The following COL4A1 variants were observed in gnomAD, a reference collection of about 807,000 sequenced individuals.
COL4A1 encodes the protein collagen alpha-1(IV) chain.
COL4A1 carries 40 observed loss-of-function variants against 216.6 expected under a neutral mutation model. That is an observed-to-expected ratio of 0.18 (90% confidence interval 0.14 to 0.24). The LOEUF (loss-of-function observed/expected upper bound fraction) is 0.24. COL4A1 is among the 10% of genes least tolerant of loss of function. The pLI, the probability that COL4A1 is intolerant of heterozygous loss-of-function variation, is 1.00. For synonymous variants in COL4A1, 839 were observed against 810.7 expected (o/e 1.03, Z -0.59); for missense variants, 1,628 against 2,196.8 (o/e 0.74, Z 5.18).
At position 110,166,923 on chromosome 13, in the gene COL4A1, G is replaced by C. The variant is rs78978840; in HGVS notation, c.3949+235C>G. ...GCCCAAATCCATGACTTCTTATTGAGATATTAATGATCCACTGATTCTTAA... is the reference window on the plus strand; with the variant it reads ...GCCCAAATCCATGACTTCTTATTGACATATTAATGATCCACTGATTCTTAA... On this transcript the variant is annotated intron_variant, in intron 44 of 51. Transcript: ENST00000375820. 9.3e-4 allele frequency among the ~76,000 whole-genome samples: 142 copies of C among 152,292 alleles called. 2 individuals are homozygous for C. The East Asian group carries it at 0.024, about 26-fold the overall frequency.
At chr13:110,230,066 A>G (rs1880948518) in intron 2 of COL4A1, among the ~76,000 whole-genome samples, 2 of 152,068 alleles carry the variant, frequency 1.3e-5, no homozygotes, top group South Asian at 4.2e-4. Flanking sequence ...ACTCAGGAAA[A>G]AGGAGCAGAA....
At position 110,268,717 on chromosome 13, in the gene COL4A1, AC is replaced by A. The variant is rs373997916; in HGVS notation, c.85-25984del. 1.1e-3 allele frequency among the ~76,000 whole-genome samples: 175 copies of A among 152,278 alleles called. 1 individual carries two copies. The highest frequency in any genetic ancestry group is 4.0e-3 in the African/African-American group (168 of 41,548). On this transcript the variant is annotated intron_variant, in intron 1 of 51. Transcript: ENST00000375820. The surrounding 1 kb of genome is among the most constrained non-coding windows in gnomAD (Gnocchi z 4.1). ...GTCCATGACCCCATGTGGGAATGAC[AC>A]CTGCCTCTTAACACAACTGGGACAA...
intron 1 of COL4A1, among the ~76,000 whole-genome samples, chr13:110,306,298 A>G (rs899115563): frequency 6.6e-6 from 1 of 152,238 alleles, no homozygotes; most frequent in Non-Finnish European, 1.5e-5. Context: ...TTTAAAATAT[A>G]TATTAATAGA....
At chr13:110,175,910 C>T (rs1489790989) in intron 36 of COL4A1, among the ~76,000 whole-genome samples, 1 of 152,232 alleles carries the variant, frequency 6.6e-6, no homozygotes, top group Admixed American at 6.5e-5. Context: ...AACTCTCCCC[C>T]TTTCTGAGTG....
At chr13:110,206,937 C>A (rs1342123490) in intron 13 of COL4A1, 46 bp from the exon 14 acceptor site, 9 of 1,580,288 alleles carry the variant, frequency 5.7e-6, no homozygotes, top group East Asian at 2.2e-5. Context: ...ACAGCTGTAT[C>A]ATTTGTTATA....
chr13:110,282,211 C>A (rs1594114063), intron 1 of COL4A1, among the ~76,000 whole-genome samples: 3 of 152,162 alleles, frequency 2.0e-5, no homozygotes, highest in Non-Finnish European at 4.4e-5. Context: ...TTCAGACAGA[C>A]CTGAGTTTGA....
chr13:110,179,506 C>T, intron 29 of COL4A1, 85 bp from the exon 30 acceptor site: 6 of 1,580,414 alleles, frequency 3.8e-6, no homozygotes, highest in Non-Finnish European at 5.2e-6. Flanking sequence ...GAAGACTTAA[C>T]AGATACTGCC....
chr13:110,198,570 A>C lies in COL4A1; in HGVS notation c.1182T>G (p.Gly394=). The change falls in exon 21 of 52, where the codon GGT becomes GGG. Residue 394 remains glycine, a synonymous_variant. Coordinates refer to ENST00000375820, the MANE Select transcript of COL4A1 (RefSeq NM_001845.6). ...GAGATGTACCAGGAAATCCTCGGTCACCTTTTTCTCCTCTTTCACCAGGGA... is the reference window on the plus strand; with the variant it reads ...GAGATGTACCAGGAAATCCTCGGTCCCCTTTTTCTCCTCTTTCACCAGGGA... ...PGFPGERGEK[G]DRGFPGTSLP... is the part of the protein sequence containing the mutation. 1 of 1,614,052 alleles carries C rather than the reference A, an allele frequency of 6.2e-7. No homozygotes were observed. The highest frequency in any genetic ancestry group is 8.5e-7 in the Non-Finnish European group (1 of 1,180,018).
Position 110,206,731 on chromosome 13 carries a change from A to G in COL4A1, c.808-16T>C, listed in dbSNP as rs750121255. 1.6e-5 allele frequency: 26 copies of G among 1,613,912 alleles called. 1 individual carries two copies. Among genetic ancestry groups the G allele is most frequent in the African/African-American group, 1.3e-4 (10 of 75,036 alleles). On this transcript the variant is annotated splice_polypyrimidine_tract_variant and intron_variant, in intron 14 of 51. Coordinates refer to ENST00000375820, the MANE Select transcript of COL4A1 (RefSeq NM_001845.6). ...CTGGCATCCCCTTAAAGGAATAAAAAGACAAAGAGATTTATTCGTCTATTT... is the reference window on the plus strand; with the variant it reads ...CTGGCATCCCCTTAAAGGAATAAAAGGACAAAGAGATTTATTCGTCTATTT...
At chr13:110,174,361 C>T in intron 39 of COL4A1, 85 bp downstream of exon 39, 1 of 1,470,628 alleles carries the variant, frequency 6.8e-7, no homozygotes, top group Non-Finnish European at 9.4e-7. Flanking sequence ...TGCTCCCCGT[C>T]TGTGATGGGA....
intron 49 of COL4A1, 125 bp from the exon 50 acceptor site, chr13:110,155,522 T>C (rs1390806138): frequency 2.7e-6 from 2 of 731,502 alleles, no homozygotes; most frequent in African/African-American, 1.7e-5. Context: ...ACATATTAAG[T>C]AGAAAACATT....
chr13:110,170,087 G>A (rs1441265712), intron 42 of COL4A1, among the ~76,000 whole-genome samples: 4 of 132,496 alleles, frequency 3.0e-5, no homozygotes, highest in Admixed American at 7.4e-5. Context: ...GGAGGGGAAG[G>A]AGGGAGGGAG....
intron 1 of COL4A1, among the ~76,000 whole-genome samples, chr13:110,256,588 G>A (rs904180526): frequency 2.6e-5 from 4 of 152,172 alleles, no homozygotes; most frequent in Admixed American, 6.5e-5. Context: ...AAATGAGAAC[G>A]TGCACAGGGA....
At chr13:110,283,523 C>T (rs1329126469) in intron 1 of COL4A1, among the ~76,000 whole-genome samples, 1 of 152,254 alleles carries the variant, frequency 6.6e-6, no homozygotes, top group African/African-American at 2.4e-5. Context: ...CACACACACG[C>T]ACATGTGCAC....
At chr13:110,203,485 C>A in intron 18 of COL4A1, 81 bp downstream of exon 18, 2 of 1,516,698 alleles carry the variant, frequency 1.3e-6, no homozygotes, top group Non-Finnish European at 9.2e-7. Context: ...TCCTTCCTCC[C>A]CCCAGTGCTC....
At position 110,207,039 on chromosome 13, in the gene COL4A1, T is replaced by A; in HGVS notation, c.781-148A>T. ...GTTGATCTCCAGCACTCACTTGACA[T>A]TGACTGGTATAAATGTAAGCAGGGC... On this transcript the variant is annotated intron_variant, in intron 13 of 51. Coordinates refer to ENST00000375820, the MANE Select transcript of COL4A1 (RefSeq NM_001845.6). This position sits in a 1 kb window ranked among gnomAD's most constrained non-coding sequence, Gnocchi z 4.4. 2.3e-6 allele frequency: 2 copies of A among 874,744 alleles called. No homozygotes were observed. The highest frequency in any genetic ancestry group is 3.7e-6 in the Non-Finnish European group (2 of 544,452). 54.2% of individuals were successfully genotyped at this position (874,744 alleles called of 1,614,324 possible).
intron 1 of COL4A1, among the ~76,000 whole-genome samples, chr13:110,278,252 G>A (rs959102673): frequency 4.6e-4 from 70 of 152,122 alleles, no homozygotes; most frequent in Non-Finnish European, 1.8e-4. Flanking sequence ...CCTTTCCAAT[G>A]CTATTTTGCA....
intron 11 of COL4A1, among the ~76,000 whole-genome samples, 176 bp downstream of exon 11, chr13:110,209,216 A>C (rs1263566723): frequency 6.6e-6 from 1 of 152,250 alleles, no homozygotes; most frequent in African/African-American, 2.4e-5. Context: ...CAATATATTG[A>C]TAGATAATCA....
chr13:110,300,886 A>T (rs893420347), intron 1 of COL4A1, among the ~76,000 whole-genome samples: 1 of 152,234 alleles, frequency 6.6e-6, no homozygotes, highest in African/African-American at 2.4e-5. Flanking sequence ...CCTGGAAAAG[A>T]TTGCTTTAAT....
Sources: gnomAD v4.1 joint callset for allele counts (sites outside exome capture counted in the v4.1 genomes callset) on GRCh38, gnomAD v4.1.1 for gene constraint, Gnocchi (gnomAD v3.1) non-coding constraint, MANE v1.5 for transcripts, NCBI Gene and HGNC (gene_info 2026-07-23, HGNC 2026-07-21) for gene names.